COL6A6: variants seen among roughly 807,000 people sequenced by gnomAD.
COL6A6 encodes the protein collagen type VI alpha 6 chain.
In COL6A6, 183 loss-of-function variants were observed where a neutral mutation model predicts 208.6. The ratio of observed to expected loss-of-function variants is 0.88; its 90% CI spans 0.78 to 0.99. The LOEUF is 0.99. Ranked by LOEUF, COL6A6 falls within the 50% of genes least tolerant of loss-of-function variation. COL6A6 has a pLI of 0.00. For missense variants in COL6A6, 2,816 were observed against 2,815.2 expected, an observed-to-expected ratio of 1.00 and a Z score of -0.01; for synonymous variants, 973 against 1,011.8, an observed-to-expected ratio of 0.96 and a Z score of 0.73.
chr3:130,626,630 T>A, intron 25 of COL6A6, 83 bp downstream of exon 25: 1 of 929,570 alleles, frequency 1.1e-6, no homozygotes, highest in Non-Finnish European at 1.8e-6. Flanking sequence ...CTGAAGAGAG[T>A]TTTAAGGATA....
chr3:130,661,857 C>T lies in COL6A6; in HGVS notation c.6051C>T (p.Pro2017=), dbSNP rs779667469. 25 of 1,613,842 alleles carry T rather than the reference C, an allele frequency of 1.5e-5. No homozygotes were observed. The highest frequency in any genetic ancestry group is 2.7e-5 in the African/African-American group (2 of 74,914). ...GDRVALLSHA[P]PDFLPNTQKS... ...GGGTGGCCCTATTGAGCCATGCTCC[C>T]CCCGACTTCCTACCCAACACTCAGA... The change falls in exon 35 of 37, where the codon CCC becomes CCT. Residue 2017 remains proline, a synonymous_variant. Coordinates refer to ENST00000358511, the MANE Select transcript of COL6A6 (RefSeq NM_001102608.3).
At chr3:130,561,798 G>A (rs1294811888) in intron 2 of COL6A6, among the ~76,000 whole-genome samples, 5 of 151,160 alleles carry the variant, frequency 3.3e-5, no homozygotes, top group South Asian at 2.1e-4. Flanking sequence ...GACTACAGGC[G>A]CCCGCCACCG....
chr3:130,569,381 T>C (rs1050423345), intron 6 of COL6A6, among the ~76,000 whole-genome samples: 1 of 152,040 alleles, frequency 6.6e-6, no homozygotes, highest in Non-Finnish European at 1.5e-5. Context: ...ATGGAAATGA[T>C]CAAAAGTACT....
At chr3:130,521,262 C>A (rs1711054481) in intron 1 of COL6A6, among the ~76,000 whole-genome samples, 1 of 152,174 alleles carries the variant, frequency 6.6e-6, no homozygotes, top group South Asian at 2.1e-4. Flanking sequence ...TTAAAAACAA[C>A]TTGATTAATG....
intron 1 of COL6A6, among the ~76,000 whole-genome samples, chr3:130,518,165 G>C (rs1710852783): frequency 6.6e-6 from 1 of 152,132 alleles, no homozygotes. Flanking sequence ...ATTTAAAGAG[G>C]ACCTTTTGCC....
At chr3:130,536,971 T>G (rs1331065727) in intron 1 of COL6A6, among the ~76,000 whole-genome samples, 1 of 152,222 alleles carries the variant, frequency 6.6e-6, no homozygotes, top group African/African-American at 2.4e-5. Flanking sequence ...ATCTGAGATC[T>G]AATTTTTTTA....
chr3:130,536,521 T>G (rs1378950391), intron 1 of COL6A6, among the ~76,000 whole-genome samples: 1 of 152,224 alleles, frequency 6.6e-6, no homozygotes, highest in Non-Finnish European at 1.5e-5. Flanking sequence ...TAATAGTGAT[T>G]GGGAGTAGAC....
chr3:130,536,205 A>G (rs1425196732), intron 1 of COL6A6, among the ~76,000 whole-genome samples: 1 of 152,156 alleles, frequency 6.6e-6, no homozygotes, highest in African/African-American at 2.4e-5. Flanking sequence ...ACTTTTTTCT[A>G]CACATAACCA....
Position 130,664,937 on chromosome 3 carries a change from C to T in COL6A6, c.6503-66C>T, listed in dbSNP as rs990700454. On this transcript the variant is annotated intron_variant, in intron 35 of 36. Transcript: ENST00000358511. ...AAACAGTAAAGTGGCACTTTGTGTA[C>T]AGAGCAGATTGCAGTAATGTTAACA... The T allele has an allele frequency of 1.8e-5, 19 of 1,035,684 alleles. No homozygotes were observed. The African/African-American group carries it at 2.4e-4, about 13-fold the overall frequency. 64.2% of individuals were successfully genotyped at this position (1,035,684 alleles called of 1,614,324 possible). A position where few individuals can be genotyped will look rare whatever the true frequency, so the allele number is the denominator to read the frequency against.
intron 36 of COL6A6, among the ~76,000 whole-genome samples, chr3:130,666,512 T>C (rs2066078680): frequency 6.6e-6 from 1 of 152,172 alleles, no homozygotes. Flanking sequence ...AATAGCAAGA[T>C]AGTAACAGTT....
chr3:130,579,286 ACTGT>A (rs1378692954), intron 8 of COL6A6, among the ~76,000 whole-genome samples: 1 of 152,196 alleles, frequency 6.6e-6, no homozygotes, highest in African/African-American at 2.4e-5. Context: ...TGAGACTATA[ACTGT>A]CTGATCCAAT....
chr3:130,559,287 C>T (rs577571757), intron 1 of COL6A6, among the ~76,000 whole-genome samples: 1 of 152,312 alleles, frequency 6.6e-6, no homozygotes, highest in South Asian at 2.1e-4. Flanking sequence ...TTCTAGCTCA[C>T]TGGTTACAAC....
intron 28 of COL6A6, among the ~76,000 whole-genome samples, chr3:130,639,161 A>G (rs2065237969): frequency 6.6e-6 from 1 of 151,932 alleles, no homozygotes; most frequent in African/African-American, 2.4e-5. Flanking sequence ...TTTATCTTAC[A>G]GTGTTTCATA....
At position 130,586,631 on chromosome 3, in the gene COL6A6, G is replaced by T; in HGVS notation, c.4096G>T (p.Glu1366Ter). 1 of 1,612,904 alleles carries T rather than the reference G, an allele frequency of 6.2e-7. No homozygotes were observed. The highest frequency in any genetic ancestry group is 8.5e-7 in the Non-Finnish European group (1 of 1,179,562). The change falls in exon 11 of 37, where the codon GAA becomes TAA. Residue 1366 changes from glutamate (E) to a stop codon, truncating the protein, a stop_gained. Coordinates refer to ENST00000358511, the MANE Select transcript of COL6A6 (RefSeq NM_001102608.3). LOFTEE classifies it high-confidence loss of function. ...GACACAGCTCTCTATTGGCATGAGA[G>T]AACTTGGAAGCCGGCTGTCAAAGCA... The part of the protein sequence containing the change: ...YRTQLSIGMR[E>*]LGSRLSKQLV...
chr3:130,524,242 G>A (rs2061908398), intron 1 of COL6A6, among the ~76,000 whole-genome samples: 1 of 152,180 alleles, frequency 6.6e-6, no homozygotes, highest in Non-Finnish European at 1.5e-5. Context: ...AATTGGGGTG[G>A]AAATTGGGAT....
At chr3:130,605,822 A>G (rs1430654517) in intron 20 of COL6A6, among the ~76,000 whole-genome samples, 1 of 152,220 alleles carries the variant, frequency 6.6e-6, no homozygotes, top group East Asian at 1.9e-4. Context: ...GTAAAAGGTG[A>G]AAGGCATGTC....
chr3:130,517,657 C>T (rs1184617718), intron 1 of COL6A6, among the ~76,000 whole-genome samples: 1 of 152,276 alleles, frequency 6.6e-6, no homozygotes, highest in African/African-American at 2.4e-5. Flanking sequence ...ACACTCTTGT[C>T]ATTCTCTGCT....
chr3:130,595,611 G>A (rs1228804563), intron 18 of COL6A6, among the ~76,000 whole-genome samples: 2 of 152,120 alleles, frequency 1.3e-5, no homozygotes, highest in Non-Finnish European at 2.9e-5. Context: ...CTTGTAAGAT[G>A]AATCAATGTT....
intron 24 of COL6A6, among the ~76,000 whole-genome samples, chr3:130,622,856 CAA>C (rs2064775250): frequency 6.6e-6 from 1 of 151,278 alleles, no homozygotes; most frequent in African/African-American, 2.4e-5. Context: ...GACTCTGTCT[CAA>C]AGAAAAGAAA....
Sources: gnomAD v4.1 joint callset for allele counts (sites outside exome capture counted in the v4.1 genomes callset) on GRCh38, gnomAD v4.1.1 for gene constraint, MANE v1.5 for transcripts, NCBI Gene and HGNC (gene_info 2026-07-23, HGNC 2026-07-21) for gene names.